Variants in ADARB2 observed in about 807,000 individuals in gnomAD.
ADARB2 encodes the protein inactive double-stranded RNA-specific editase B2.
Under a neutral mutation model 62.2 loss-of-function variants are expected in ADARB2, and 25 were observed. The ratio of observed to expected loss-of-function variants is 0.40; its 90% CI spans 0.29 to 0.56. The LOEUF (loss-of-function observed/expected upper bound fraction) is 0.56. Among genes scored for constraint, ADARB2 ranks in the 20% least tolerant of loss-of-function variants. The pLI is 0.43. For missense variants in ADARB2, 1,071 were observed against 1,077.4 expected (o/e 0.99, Z 0.08); for synonymous variants, 572 against 500.8 (o/e 1.14, Z -1.90).
In ADARB2 at chr10:1,427,966, A is replaced by G. The variant is rs1323440623; in HGVS notation, c.101-48806T>C. ...ATGCTGAATGAAAAAAGCCAGTCCC[A>G]TTTTTTTTTTTTTTTTGAGACAGAG... On this transcript the variant is annotated intron_variant, in intron 1 of 9. Transcript: ENST00000381312. Among the ~76,000 whole-genome samples the G allele has an allele frequency of 2.8e-5, 4 of 144,540 alleles. No homozygotes were observed. The East Asian group carries it at 8.3e-4, about 30-fold the overall frequency. 94.8% of individuals were successfully genotyped at this position (144,540 alleles called of 152,430 possible).
At chr10:1,706,541 T>C (rs1348552121) in intron 1 of ADARB2, among the ~76,000 whole-genome samples, 5 of 152,240 alleles carry the variant, frequency 3.3e-5, no homozygotes, top group Non-Finnish European at 7.3e-5. Flanking sequence ...ATCCAAATGG[T>C]GTTCCAGGAG....
At chr10:1,623,846 G>A (rs1038224102) in intron 1 of ADARB2, among the ~76,000 whole-genome samples, 1 of 152,174 alleles carries the variant, frequency 6.6e-6, no homozygotes, top group Non-Finnish European at 1.5e-5. Flanking sequence ...CCTTCAGTAG[G>A]CACTATTATT....
chr10:1,184,000 A>AC (rs1436003439), intron 9 of ADARB2, among the ~76,000 whole-genome samples: 1 of 152,162 alleles, frequency 6.6e-6, no homozygotes, highest in East Asian at 1.9e-4. Context: ...CGCTTCCCTG[A>AC]CCTTCCAAGT....
At chr10:1,362,963 A>C in intron 3 of ADARB2, 65 bp downstream of exon 3, 1 of 1,246,192 alleles carries the variant, frequency 8.0e-7, no homozygotes, top group Non-Finnish European at 1.0e-6. Context: ...CCAACAGGGA[A>C]AGGTCGGGGT....
chr10:1,317,587 GT>G (rs1183708021), intron 3 of ADARB2, among the ~76,000 whole-genome samples: 2 of 152,190 alleles, frequency 1.3e-5, no homozygotes, highest in Non-Finnish European at 2.9e-5. Context: ...CTATCTTCTG[GT>G]TTGGGTTTGG....
At chr10:1,374,352 G>C (rs1165003394) in intron 2 of ADARB2, among the ~76,000 whole-genome samples, 1 of 152,160 alleles carries the variant, frequency 6.6e-6, no homozygotes, top group Non-Finnish European at 1.5e-5. Flanking sequence ...CTTCTCCCAC[G>C]GGCACCCTCC....
chr10:1,233,730 C>T lies in ADARB2; in HGVS notation c.1477G>A (p.Ala493Thr), dbSNP rs200268465. 134 of 1,613,316 alleles carry T rather than the reference C, an allele frequency of 8.3e-5. No individual in the cohort carries two copies. The highest frequency in any genetic ancestry group is 2.9e-4 in the South Asian group (26 of 90,976). Reference protein sequence around the residue: ...LYVSTSPCGDARLHSPYEITT... With the variant: ...LYVSTSPCGDTRLHSPYEITT... The stretch of plus-strand genomic sequence containing the variant: ...ATCTCGTAGGGAGAGTGGAGTCTTG[C>T]GTCTCCACAGGGGGAGGTGCTCACG... Residue 493 changes from alanine to threonine, a missense_variant, in exon 6 of 10, where the codon GCA becomes ACA. By Grantham distance (58) the Ala-to-Thr change is moderately conservative. Transcript: ENST00000381312.
intron 3 of ADARB2, among the ~76,000 whole-genome samples, chr10:1,273,034 C>T (rs560261441): frequency 2.4e-4 from 36 of 152,336 alleles, no homozygotes; most frequent in Non-Finnish European, 4.4e-4. Context: ...TCCTCTGTGT[C>T]TGTGTCTGCT....
intron 3 of ADARB2, 22 bp downstream of exon 3, chr10:1,363,006 C>T: frequency 1.5e-6 from 2 of 1,325,074 alleles, no homozygotes; most frequent in Middle Eastern, 4.3e-4. Flanking sequence ...CCCGTTCCCC[C>T]TGCACCCGCC....
At chr10:1,406,743 C>T (rs904295980) in intron 1 of ADARB2, among the ~76,000 whole-genome samples, 4 of 152,316 alleles carry the variant, frequency 2.6e-5, no homozygotes, top group African/African-American at 9.6e-5. Context: ...GGGCTGCCCA[C>T]GGGTTCGATG....
intron 3 of ADARB2, among the ~76,000 whole-genome samples, chr10:1,300,881 A>G (rs930961536): frequency 6.6e-6 from 1 of 152,226 alleles, no homozygotes; most frequent in African/African-American, 2.4e-5. Context: ...CATGTAGGCC[A>G]AGGTGCTTAG....
intron 1 of ADARB2, among the ~76,000 whole-genome samples, chr10:1,404,489 T>A (rs962196318): frequency 1.3e-5 from 2 of 152,214 alleles, no homozygotes; most frequent in Admixed American, 6.5e-5. Flanking sequence ...AGAACCAGCG[T>A]GGGCTCCACT....
chr10:1,279,991 T>C (rs111688599), intron 3 of ADARB2, among the ~76,000 whole-genome samples: 2,619 of 152,262 alleles, frequency 0.017, 79 homozygotes, highest in African/African-American at 0.059. Context: ...TGGGATGGGA[T>C]GAGTGCATTT....
Position 1,242,326 on chromosome 10 carries a change from G to C in ADARB2, c.1193-27C>G, listed in dbSNP as rs781457208. On this transcript the variant is annotated intron_variant, in intron 4 of 9. Coordinates refer to ENST00000381312, the MANE Select transcript of ADARB2 (RefSeq NM_018702.4). ...TGGGGACACAGATAGCATCAGAGCA[G>C]CGTGGCCCACGGCCCCCGTCTCCCT... The C allele has an allele frequency of 2.6e-6, 4 of 1,519,906 alleles. No individual in the cohort carries two copies. In the Admixed American group the frequency reaches 5.9e-5, roughly 23 times the overall value. The allele number at this position is 1,519,906 out of a possible 1,614,324, so 94.2% of individuals were successfully genotyped here. A position where few individuals can be genotyped will look rare whatever the true frequency, so the allele number is the denominator to read the frequency against.
rs1832897624 is a variant in ADARB2 at position 1,426,882 on chromosome 10, G to T, written c.101-47722C>A. 6.6e-6 allele frequency among the ~76,000 whole-genome samples: 1 copy of T among 152,236 alleles called. No homozygotes were observed. Among genetic ancestry groups the T allele is most frequent in the Admixed American group, 6.5e-5 (1 of 15,280 alleles). ...CTTTGTGTTGGACAAAACACAGTGG[G>T]GACAGGAACCTAAAGCAGTTGTGAA... On this transcript the variant is annotated intron_variant, in intron 1 of 9. Coordinates refer to ENST00000381312, the MANE Select transcript of ADARB2 (RefSeq NM_018702.4). The surrounding 1 kb of genome is among the most constrained non-coding windows in gnomAD (Gnocchi z 4.1).
intron 1 of ADARB2, among the ~76,000 whole-genome samples, chr10:1,464,977 C>G (rs1321818866): frequency 6.6e-6 from 1 of 152,246 alleles, no homozygotes; most frequent in East Asian, 1.9e-4. Context: ...TCATCGTCAC[C>G]CTGAACTGGA....
rs80133766 is a variant in ADARB2 at position 1,646,238 on chromosome 10, G to A, written c.100+90813C>T. Among the ~76,000 whole-genome samples the A allele has an allele frequency of 8.8e-3, 1,339 of 152,334 alleles. 18 individuals carry two copies. The highest frequency in any genetic ancestry group is 0.046 in the East Asian group (237 of 5,178). Reference sequence around the variant, plus strand: ...TGTGTCCTGGGGTCCAGCCTAGCTCGTGACAGTTCCCTTTACTGCTGCCAT... The same window carrying A: ...TGTGTCCTGGGGTCCAGCCTAGCTCATGACAGTTCCCTTTACTGCTGCCAT... On this transcript the variant is annotated intron_variant, in intron 1 of 9. Coordinates refer to ENST00000381312, the MANE Select transcript of ADARB2 (RefSeq NM_018702.4).
At chr10:1,572,194 T>C (rs538784042) in intron 1 of ADARB2, among the ~76,000 whole-genome samples, 6 of 144,756 alleles carry the variant, frequency 4.1e-5, no homozygotes, top group African/African-American at 1.5e-4. Flanking sequence ...CAGGTGAGTG[T>C]GCTGGTGAGT....
intron 8 of ADARB2, chr10:1,186,418 G>A (rs1219014966): frequency 6.0e-6 from 3 of 501,330 alleles, no homozygotes; most frequent in Non-Finnish European, 1.2e-5. Flanking sequence ...GTGGTGTTGA[G>A]ACGCTTGGTT....
Sources: allele counts gnomAD v4.1 joint callset (sites outside exome capture counted in the v4.1 genomes callset), GRCh38; gene constraint gnomAD v4.1.1; non-coding constraint Gnocchi (gnomAD v3.1); transcripts MANE v1.5; gene names NCBI Gene and HGNC (gene_info 2026-07-23, HGNC 2026-07-21).